Variants in RBM5 observed in about 807,000 individuals in gnomAD.
RBM5 encodes RNA-binding protein 5.
A neutral mutation model predicts 124.6 loss-of-function variants in RBM5; 15 were observed. That is an observed-to-expected ratio of 0.12 (90% CI 0.08 to 0.19). The LOEUF (loss-of-function observed/expected upper bound fraction) is 0.19, where lower values mean the gene tolerates loss of function less well. RBM5 is among the 10% of genes least tolerant of loss of function. RBM5 has a pLI of 1.00. For synonymous variants in RBM5, 337 were observed against 361.2 expected (o/e 0.93, Z 0.76); for missense variants, 580 against 1,026.5 (o/e 0.57, Z 5.94).
Position 50,099,852 on chromosome 3 carries a change from TG to T in RBM5, c.340-129del. On this transcript the variant is annotated intron_variant, in intron 4 of 24. Coordinates refer to ENST00000347869, the MANE Select transcript of RBM5 (RefSeq NM_005778.4). Reference sequence around the variant, plus strand: ...ACTCCAGCCTGGGCAATCAAGTGAGTGAGAGACAGAGACTCCCATCTTAAAA... The same window carrying T: ...ACTCCAGCCTGGGCAATCAAGTGAGTAGAGACAGAGACTCCCATCTTAAAA... The T allele has an allele frequency of 4.3e-6, 3 of 704,970 alleles. No individual in the cohort carries two copies. In the South Asian group the frequency reaches 6.2e-5, roughly 14 times the overall value. 43.7% of individuals were successfully genotyped at this position (704,970 alleles called of 1,614,324 possible). A position where few individuals can be genotyped will look rare whatever the true frequency, so the allele number is the denominator to read the frequency against.
chr3:50,110,899 A>G, intron 17 of RBM5, 129 bp downstream of exon 17: 1 of 695,844 alleles, frequency 1.4e-6, no homozygotes, highest in Non-Finnish European at 2.3e-6. Context: ...CTTCAAAGCC[A>G]CCAAAATGTA....
chr3:50,092,349 G>T, intron 3 of RBM5, 141 bp downstream of exon 3: 1 of 888,806 alleles, frequency 1.1e-6, no homozygotes, highest in Non-Finnish European at 1.7e-6. Flanking sequence ...ATCACTTGAG[G>T]TCAGGAGTTT....
chr3:50,118,238 G>A (rs2091294117), intron 24 of RBM5, 93 bp from the exon 25 acceptor site: 2 of 1,530,124 alleles, frequency 1.3e-6, no homozygotes, highest in South Asian at 1.2e-5. Context: ...TCTGTCTCCT[G>A]GTGGGTGGTC....
chr3:50,105,843 G>C lies in RBM5; in HGVS notation c.855+134G>C, dbSNP rs2091017200. The C allele has an allele frequency of 5.4e-6, 5 of 929,662 alleles. No individual in the cohort carries two copies. The South Asian group carries it at 8.9e-5, about 17-fold the overall frequency. The allele number at this position is 929,662 out of a possible 1,614,324, so 57.6% of individuals were successfully genotyped here. On this transcript the variant is annotated intron_variant, in intron 10 of 24. Transcript: ENST00000347869. ...GCTCCCTAATGACAGTTTTTGCACT[G>C]CTAAATTACAGGACTGATGACTTCA...
chr3:50,099,084 G>C (rs1415544974), intron 4 of RBM5, among the ~76,000 whole-genome samples: 1 of 152,016 alleles, frequency 6.6e-6, no homozygotes, highest in Non-Finnish European at 1.5e-5. Flanking sequence ...GCAAAACTCT[G>C]TCTCTACAAA....
intron 10 of RBM5, among the ~76,000 whole-genome samples, chr3:50,106,507 T>C (rs1205802005): frequency 6.6e-6 from 1 of 152,204 alleles, no homozygotes; most frequent in Non-Finnish European, 1.5e-5. Context: ...CTTCAAGTGA[T>C]CCGCTCATCT....
chr3:50,109,181 C>G (rs2091096617), intron 14 of RBM5, among the ~76,000 whole-genome samples: 1 of 152,166 alleles, frequency 6.6e-6, no homozygotes, highest in Admixed American at 6.5e-5. Context: ...TCACGCCATT[C>G]TCCTGCCTTA....
intron 4 of RBM5, chr3:50,099,523 C>T (rs933312199): frequency 1.3e-5 from 2 of 153,622 alleles, no homozygotes; most frequent in South Asian, 2.0e-4. Flanking sequence ...CACAGTGAAA[C>T]CCCGTCTCTA....
Position 50,100,128 on chromosome 3 carries a change from C to T in RBM5, c.409+77C>T. 1 of 1,276,268 alleles carries T rather than the reference C, an allele frequency of 7.8e-7. No individual in the cohort carries two copies. Among genetic ancestry groups the T allele is most frequent in the Non-Finnish European group, 1.1e-6 (1 of 898,396 alleles). 79.1% of individuals were successfully genotyped at this position (1,276,268 alleles called of 1,614,324 possible). A position where few individuals can be genotyped will look rare whatever the true frequency, so the allele number is the denominator to read the frequency against. On this transcript the variant is annotated intron_variant, in intron 5 of 24. Coordinates refer to ENST00000347869, the MANE Select transcript of RBM5 (RefSeq NM_005778.4). The surrounding 1 kb of genome is among the most constrained non-coding windows in gnomAD (Gnocchi z 5.1). ...TCAGTCCCTAAAGAACATCCTGATTCCCCCAGTCTTCAAGCACATGAATTC... is the reference window on the plus strand; with the variant it reads ...TCAGTCCCTAAAGAACATCCTGATTTCCCCAGTCTTCAAGCACATGAATTC...
chr3:50,102,767 C>CA, intron 6 of RBM5: 1 of 321,026 alleles, frequency 3.1e-6, no homozygotes, highest in Non-Finnish European at 5.8e-6. Flanking sequence ...AGTAGACTGT[C>CA]ACACTCAGGC....
intron 4 of RBM5, among the ~76,000 whole-genome samples, chr3:50,099,297 C>G (rs962774401): frequency 4.6e-5 from 7 of 151,516 alleles, no homozygotes; most frequent in Non-Finnish European, 1.0e-4. Flanking sequence ...GAGGGAAATT[C>G]CCATGCAACA....
intron 11 of RBM5, chr3:50,107,098 C>G: frequency 1.5e-6 from 1 of 680,288 alleles, no homozygotes; most frequent in Non-Finnish European, 2.7e-6. Flanking sequence ...GCAAGTATGG[C>G]AGATGGGTTG....
chr3:50,092,491 G>A (rs2090721349), intron 3 of RBM5, among the ~76,000 whole-genome samples: 1 of 151,858 alleles, frequency 6.6e-6, no homozygotes, highest in Non-Finnish European at 1.5e-5. Context: ...AAACCTGGGA[G>A]GCGGAGGTTG....
rs1425710179 is a variant in RBM5, at chr3:50,100,681, G to A, written c.483+76G>A. On this transcript the variant is annotated intron_variant, in intron 6 of 24. Transcript: ENST00000347869. This position sits in a 1 kb window ranked among gnomAD's most constrained non-coding sequence, Gnocchi z 5.1. ...ACAATTTTAAAAAAAGGTTGAAGGA[G>A]TGGTTTGTTCCAAAGGAGTGACTTT... The A allele has an allele frequency of 2.4e-6, 3 of 1,264,922 alleles. No individual in the cohort carries two copies. Among genetic ancestry groups the A allele is most frequent in the East Asian group, 4.7e-5 (2 of 42,184 alleles). The allele number at this position is 1,264,922 out of a possible 1,614,324, so 78.4% of individuals were successfully genotyped here. A position where few individuals can be genotyped will look rare whatever the true frequency, so the allele number is the denominator to read the frequency against.
At chr3:50,110,528 G>A in intron 16 of RBM5, 65 bp downstream of exon 16, 2 of 1,529,176 alleles carry the variant, frequency 1.3e-6, no homozygotes, top group Non-Finnish European at 1.8e-6. Context: ...TGTTTAATGA[G>A]AGTTCTTCTC....
At chr3:50,108,527 T>C (rs915658403) in intron 14 of RBM5, among the ~76,000 whole-genome samples, 6 of 152,058 alleles carry the variant, frequency 3.9e-5, no homozygotes, top group Non-Finnish European at 8.8e-5. Context: ...GCCAACATGG[T>C]GAAACCCCAT....
intron 20 of RBM5, 49 bp from the exon 21 acceptor site, chr3:50,115,379 C>A (rs758658078): frequency 2.5e-6 from 4 of 1,586,584 alleles, no homozygotes. Context: ...TAGCCACCGC[C>A]ATCTTCCTAT....
chr3:50,095,589 C>T (rs1416992470), intron 4 of RBM5, among the ~76,000 whole-genome samples: 1 of 151,846 alleles, frequency 6.6e-6, no homozygotes, highest in Non-Finnish European at 1.5e-5. Context: ...TGGACATGTC[C>T]ATTGCTCTAC....
At chr3:50,089,337 C>T (rs2090657998) in intron 1 of RBM5, among the ~76,000 whole-genome samples, 1 of 152,236 alleles carries the variant, frequency 6.6e-6, no homozygotes, top group African/African-American at 2.4e-5. Context: ...TCGGGCACTC[C>T]TTGGGAGCTC....
Sources: allele counts gnomAD v4.1 joint callset (sites outside exome capture counted in the v4.1 genomes callset), GRCh38; gene constraint gnomAD v4.1.1; non-coding constraint Gnocchi (gnomAD v3.1); transcripts MANE v1.5; gene names NCBI Gene and HGNC (gene_info 2026-07-23, HGNC 2026-07-21).